The following NFATC1 variants were observed in gnomAD, a reference collection of about 807,000 sequenced individuals.
The protein encoded by NFATC1 is nuclear factor of activated T cells 1.
Under a neutral mutation model 76.0 loss-of-function variants are expected in NFATC1, and 22 were observed. That is an observed-to-expected ratio of 0.29 (90% CI 0.21 to 0.41). The LOEUF (loss-of-function observed/expected upper bound fraction) is 0.41. Among genes scored for constraint, NFATC1 ranks in the 10% least tolerant of loss-of-function variants. The probability of loss-of-function intolerance (pLI) is 1.00; values close to 1 mark genes in which losing one functional copy is unlikely to be tolerated. For missense variants in NFATC1, 1,357 were observed against 1,337.7 expected (o/e 1.01, Z -0.23); for synonymous variants, 704 against 613.1 (o/e 1.15, Z -2.19).
intron 7 of NFATC1, among the ~76,000 whole-genome samples, chr18:79,465,000 C>T (rs1471218003): frequency 9.2e-5 from 14 of 151,964 alleles, no homozygotes; most frequent in Non-Finnish European, 1.5e-4. Flanking sequence ...CCACCGTGCC[C>T]GCCTGTGCAT....
intron 2 of NFATC1, among the ~76,000 whole-genome samples, chr18:79,427,385 CAGTG>C (rs2086380506): frequency 5.8e-5 from 5 of 85,892 alleles, no homozygotes; most frequent in African/African-American, 3.2e-4. Context: ...GGCCTCTGTG[CAGTG>C]GGTTGGGGGG....
chr18:79,447,897 T>C (rs1177808476), intron 3 of NFATC1, among the ~76,000 whole-genome samples: 1 of 152,018 alleles, frequency 6.6e-6, no homozygotes, highest in African/African-American at 2.4e-5. Flanking sequence ...CACCACACTC[T>C]GTGTTTACCT....
rs1210237799 is a variant in NFATC1, at chr18:79,410,606, G to GGGGCCC, written c.332_337dup (p.Ala112_Pro113insArgAla). ...CTCCTCCGGCCACACCAGGCCTGATGGGGCCCCTGCCCTGGAGAGTCCTCG... is the reference window on the plus strand; with the variant it reads ...CTCCTCCGGCCACACCAGGCCTGATGGGGCCCGGGCCCCTGCCCTGGAGAGTCCTCG... On this transcript the variant is annotated inframe_insertion, in exon 2 of 10. Coordinates refer to ENST00000427363, the MANE Select transcript of NFATC1 (RefSeq NM_001278669.2). The surrounding 1 kb of genome is among the most constrained non-coding windows in gnomAD (Gnocchi z 6.7). 4 of 1,612,816 alleles carry GGGGCCC rather than the reference G, an allele frequency of 2.5e-6. No homozygotes were observed. The highest frequency in any genetic ancestry group is 2.5e-6 in the Non-Finnish European group (3 of 1,180,000).
In NFATC1 at chr18:79,448,856, C is replaced by G; in HGVS notation, c.1461C>G (p.Arg487=). 3.7e-6 allele frequency: 6 copies of G among 1,613,838 alleles called. No homozygotes were observed. Among genetic ancestry groups the G allele is most frequent in the Non-Finnish European group, 5.1e-6 (6 of 1,180,030 alleles). Residue 487 remains arginine, a synonymous_variant, in exon 4 of 10, where the codon CGC becomes CGG. Transcript: ENST00000427363. ...GGACGGCGGACGACCGCCTGCTGCG[C>G]CCGCACGCCTTCTACCAGGTGCACC... The part of the protein sequence containing the change: ...FIGTADDRLL[R]PHAFYQVHRI...
intron 2 of NFATC1, chr18:79,422,454 T>C (rs1265383691): frequency 1.6e-5 from 2 of 125,302 alleles, no homozygotes; most frequent in Non-Finnish European, 3.4e-5. Flanking sequence ...TGGGGATGAG[T>C]GGGTGACGGG....
At chr18:79,515,338 CAAAAAAAAAAA>C (rs75194540) in intron 9 of NFATC1, among the ~76,000 whole-genome samples, 1 of 63,494 alleles carries the variant, frequency 1.6e-5, no homozygotes, top group African/African-American at 5.0e-5. Flanking sequence ...GACTCCATCT[CAAAAAAAAAAA>C]AAAAAAAAAG....
At position 79,451,729 on chromosome 18, in the gene NFATC1, T is replaced by C; in HGVS notation, c.1816T>C (p.Tyr606His). The C allele has an allele frequency of 6.2e-7, 1 of 1,613,004 alleles. No individual in the cohort carries two copies. Among genetic ancestry groups the C allele is most frequent in the Non-Finnish European group, 8.5e-7 (1 of 1,179,656 alleles). The change falls in exon 6 of 10, where the codon TAT becomes CAT. Residue 606 changes from tyrosine to histidine, a missense_variant. Tyr to His is a moderately conservative substitution (Grantham distance 83, BLOSUM62 2). Coordinates refer to ENST00000427363, the MANE Select transcript of NFATC1 (RefSeq NM_001278669.2). Reference sequence around the variant, plus strand: ...GGTGGAGAAGCAGAGCACGGACAGCTATCCGGTCGTGGGCGGGAAGAAGAT... The same window carrying C: ...GGTGGAGAAGCAGAGCACGGACAGCCATCCGGTCGTGGGCGGGAAGAAGAT... ...PLVEKQSTDS[Y>H]PVVGGKKMVL...
rs200151864 is a variant in NFATC1 at position 79,411,367 on chromosome 18, C to A, written c.1092C>A (p.Ala364=). 6.3e-7 allele frequency: 1 copy of A among 1,587,370 alleles called. No homozygotes were observed. Among genetic ancestry groups the A allele is most frequent in the African/African-American group, 1.3e-5 (1 of 74,170 alleles). ...ACCTGGGCAGCCCCCCGCCCCCGGCCGACTTCGCGCCCGAAGACTACTCCT... is the reference window on the plus strand; with the variant it reads ...ACCTGGGCAGCCCCCCGCCCCCGGCAGACTTCGCGCCCGAAGACTACTCCT... ...GEDLGSPPPP[A]DFAPEDYSSF... is the part of the protein sequence containing the mutation. Residue 364 remains alanine (A), a synonymous_variant, in exon 2 of 10, where the codon GCC becomes GCA. Transcript: ENST00000427363.
At chr18:79,490,928 A>C (rs73970092) in intron 9 of NFATC1, among the ~76,000 whole-genome samples, 1,646 of 152,228 alleles carry the variant, frequency 0.011, 29 homozygotes, top group African/African-American at 0.035. Context: ...AGCCTCACGC[A>C]GGCTGAAGAC....
chr18:79,438,929 A>C (rs986843083), intron 3 of NFATC1, among the ~76,000 whole-genome samples: 2 of 152,190 alleles, frequency 1.3e-5, no homozygotes, highest in Non-Finnish European at 2.9e-5. Context: ...TCATGTAAGA[A>C]ACTTGACAGC....
In NFATC1 at chr18:79,433,717, C is replaced by T. The variant is rs184916992; in HGVS notation, c.1365C>T (p.Ala455=). 8.2e-5 allele frequency: 132 copies of T among 1,612,836 alleles called. No homozygotes were observed. In the Admixed American group the frequency reaches 1.2e-3, roughly 14 times the overall value. ...GCCGGGGGGCCGTGAAGGCGTCGGC[C>T]GGAGGACACCCCATCGTGCAGGTAG... ...EGSRGAVKAS[A]GGHPIVQLHG... is the part of the protein sequence containing the mutation. The change falls in exon 3 of 10, where the codon GCC becomes GCT. Residue 455 remains alanine, a synonymous_variant. Coordinates refer to ENST00000427363, the MANE Select transcript of NFATC1 (RefSeq NM_001278669.2).
At position 79,451,246 on chromosome 18, in the gene NFATC1, C is replaced by T. The variant is rs868635928; in HGVS notation, c.1762+120C>T. On this transcript the variant is annotated intron_variant, in intron 5 of 9. Coordinates refer to ENST00000427363, the MANE Select transcript of NFATC1 (RefSeq NM_001278669.2). ...TTGGGACTGAACGGTTCCCACCAAA[C>T]CCACCACAGTGTGTGGCCACGAGGG... 1.0e-5 allele frequency: 13 copies of T among 1,248,924 alleles called. No individual in the cohort carries two copies. In the Middle Eastern group the frequency reaches 8.4e-4, roughly 81 times the overall value. 77.4% of individuals were successfully genotyped at this position (1,248,924 alleles called of 1,614,324 possible). A position where few individuals can be genotyped will look rare whatever the true frequency, so the allele number is the denominator to read the frequency against.
chr18:79,477,839 C>A (rs1383169794), intron 8 of NFATC1, among the ~76,000 whole-genome samples: 2 of 152,216 alleles, frequency 1.3e-5, no homozygotes, highest in African/African-American at 4.8e-5. Flanking sequence ...CTGCCATATC[C>A]TCACATGGCA....
intron 7 of NFATC1, among the ~76,000 whole-genome samples, chr18:79,462,352 T>C (rs1236535522): frequency 6.6e-6 from 1 of 152,206 alleles, no homozygotes; most frequent in Non-Finnish European, 1.5e-5. Flanking sequence ...TTTTGTTTTT[T>C]TGAAACAGAG....
intron 9 of NFATC1, among the ~76,000 whole-genome samples, chr18:79,519,100 C>T (rs2090453000): frequency 6.6e-6 from 1 of 152,328 alleles, no homozygotes; most frequent in Middle Eastern, 3.4e-3. Flanking sequence ...CGTTCAGGTG[C>T]AAAGACCTCG....
chr18:79,424,808 T>TCC (rs1491250842), intron 2 of NFATC1, among the ~76,000 whole-genome samples: 1 of 103,088 alleles, frequency 9.7e-6, no homozygotes, highest in Non-Finnish European at 2.1e-5. Context: ...TGTGTCTGTC[T>TCC]GTCTCTGTCT....
chr18:79,503,372 G>A (rs1379282075), intron 9 of NFATC1, among the ~76,000 whole-genome samples: 2 of 152,228 alleles, frequency 1.3e-5, no homozygotes, highest in Non-Finnish European at 2.9e-5. Context: ...AGTCTGTTAA[G>A]TGTGCACCAG....
Position 79,473,926 on chromosome 18 carries a change from G to A in NFATC1, c.2092+6344G>A, listed in dbSNP as rs1487402651. The stretch of plus-strand genomic sequence containing the variant: ...CGTTGTGAGGGAAGCGTGTTCTCAC[G>A]CTCACTGTCGACATTGTAAACCTGA... On this transcript the variant is annotated intron_variant, in intron 8 of 9. Coordinates refer to ENST00000427363, the MANE Select transcript of NFATC1 (RefSeq NM_001278669.2). 7.9e-5 allele frequency among the ~76,000 whole-genome samples: 11 copies of A among 139,488 alleles called. No homozygotes were observed. In the South Asian group the frequency reaches 1.2e-3, roughly 15 times the overall value. The allele number at this position is 139,488 out of a possible 152,430, so 91.5% of individuals were successfully genotyped here. A position where few individuals can be genotyped will look rare whatever the true frequency, so the allele number is the denominator to read the frequency against.
chr18:79,475,084 T>A lies in NFATC1; in HGVS notation c.2092+7502T>A, dbSNP rs2088998326. On this transcript the variant is annotated intron_variant, in intron 8 of 9. Transcript: ENST00000427363. ...ACCTGAGGGAAGTGTGTTCTCACAC[T>A]CACTCGACGTGAGGGAAGCGTGTTC... Among the ~76,000 whole-genome samples the A allele has an allele frequency of 1.9e-5, 2 of 107,238 alleles. 1 individual carries two copies. Among genetic ancestry groups the A allele is most frequent in the Non-Finnish European group, 3.5e-5 (2 of 57,270 alleles). 70.4% of individuals were successfully genotyped at this position (107,238 alleles called of 152,430 possible).
Sources: gnomAD v4.1 joint callset for allele counts (sites outside exome capture counted in the v4.1 genomes callset) on GRCh38, gnomAD v4.1.1 for gene constraint, Gnocchi (gnomAD v3.1) non-coding constraint, MANE v1.5 for transcripts, NCBI Gene and HGNC (gene_info 2026-07-23, HGNC 2026-07-21) for gene names.